The following PSMD14 variants were observed in gnomAD, a reference collection of about 807,000 sequenced individuals.
The protein encoded by PSMD14 is ubiquitin C-terminal hydrolase PSMD14.
A neutral mutation model predicts 41.2 loss-of-function variants in PSMD14; 7 were observed. That is an observed-to-expected ratio of 0.17 (90% CI 0.10 to 0.32). The LOEUF (loss-of-function observed/expected upper bound fraction) is 0.32. Among genes scored for constraint, PSMD14 ranks in the 10% least tolerant of loss-of-function variants. PSMD14 has a pLI of 1.00. For missense variants in PSMD14, 139 were observed against 375.6 expected (o/e 0.37, Z 5.21); for synonymous variants, 114 against 122.3 (o/e 0.93, Z 0.45).
intron 5 of PSMD14, 47 bp from the exon 6 acceptor site, chr2:161,370,060 T>C (rs1345994214): frequency 7.0e-7 from 1 of 1,428,974 alleles, no homozygotes; most frequent in East Asian, 2.5e-5. Context: ...GGAAGCTTTT[T>C]TTCCAAATTT....
intron 5 of PSMD14, among the ~76,000 whole-genome samples, chr2:161,368,932 G>A (rs1217481931): frequency 3.3e-5 from 5 of 151,798 alleles, no homozygotes; most frequent in Non-Finnish European, 7.4e-5. Flanking sequence ...CTAAATAGAT[G>A]AATTTGTTGA....
At chr2:161,337,414 A>G (rs1158370827) in intron 3 of PSMD14, among the ~76,000 whole-genome samples, 4 of 152,212 alleles carry the variant, frequency 2.6e-5, no homozygotes, top group Non-Finnish European at 4.4e-5. Context: ...TATCTCATTT[A>G]ATCTTTACAT....
intron 9 of PSMD14, 38 bp from the exon 10 acceptor site, chr2:161,395,040 A>G: frequency 6.6e-7 from 1 of 1,526,576 alleles, no homozygotes; most frequent in Non-Finnish European, 8.8e-7. Flanking sequence ...GGGTATCCTC[A>G]AGGCAGAAAA....
intron 1 of PSMD14, among the ~76,000 whole-genome samples, chr2:161,311,780 A>G (rs954186509): frequency 6.6e-6 from 1 of 151,712 alleles, no homozygotes; most frequent in Admixed American, 6.6e-5. Flanking sequence ...ACGCCCGGCT[A>G]GTTTTTATAT....
intron 3 of PSMD14, 104 bp downstream of exon 3, chr2:161,318,977 T>C: frequency 1.2e-6 from 1 of 833,576 alleles, no homozygotes; most frequent in Non-Finnish European, 1.9e-6. Flanking sequence ...ACCTAACAGA[T>C]AACTCTATGG....
chr2:161,368,008 G>A, intron 5 of PSMD14, 105 bp downstream of exon 5: 2 of 1,280,658 alleles, frequency 1.6e-6, no homozygotes, highest in South Asian at 1.7e-5. Flanking sequence ...CTTTCCAGTA[G>A]GAAAAATTAA....
At chr2:161,356,764 T>C (rs1574128160) in intron 3 of PSMD14, among the ~76,000 whole-genome samples, 1 of 388 alleles carries the variant, frequency 2.6e-3, no homozygotes, top group African/African-American at 0.042. Flanking sequence ...TCAAACTCCT[T>C]TTTTTTTTTT....
At chr2:161,326,539 A>G (rs1682702281) in intron 3 of PSMD14, among the ~76,000 whole-genome samples, 1 of 152,222 alleles carries the variant, frequency 6.6e-6, no homozygotes. Context: ...TAATCCAGCA[A>G]TTCAGCTTCT....
intron 3 of PSMD14, among the ~76,000 whole-genome samples, chr2:161,360,355 C>G (rs1683272336): frequency 6.9e-6 from 1 of 145,322 alleles, no homozygotes; most frequent in Admixed American, 6.8e-5. Flanking sequence ...CCTGGCTGAG[C>G]CTTTCATATT....
chr2:161,323,030 C>G (rs1682631993), intron 3 of PSMD14, among the ~76,000 whole-genome samples: 2 of 152,104 alleles, frequency 1.3e-5, no homozygotes, highest in Non-Finnish European at 2.9e-5. Context: ...ATCCAAAAAC[C>G]AAAACTCTAC....
intron 2 of PSMD14, 77 bp from the exon 3 acceptor site, chr2:161,318,745 A>G: frequency 9.0e-7 from 1 of 1,113,958 alleles, no homozygotes; most frequent in Non-Finnish European, 1.3e-6. Flanking sequence ...TGAGTGACTG[A>G]AGGTGAATTA....
intron 1 of PSMD14, among the ~76,000 whole-genome samples, chr2:161,314,477 G>C (rs946556882): frequency 5.9e-5 from 9 of 152,156 alleles, no homozygotes; most frequent in African/African-American, 2.2e-4. Context: ...TACCACCTCA[G>C]TTTAGTTCCA....
At chr2:161,406,759 T>C (rs1389122731) in intron 10 of PSMD14, among the ~76,000 whole-genome samples, 1 of 152,178 alleles carries the variant, frequency 6.6e-6, no homozygotes, top group East Asian at 1.9e-4. Context: ...GAGTACTTTT[T>C]ACCATCTGTA....
intron 10 of PSMD14, among the ~76,000 whole-genome samples, chr2:161,402,310 T>C (rs921485413): frequency 1.3e-5 from 2 of 152,212 alleles, no homozygotes; most frequent in East Asian, 3.8e-4. Flanking sequence ...GAGAACGTTT[T>C]TGCAAATCAG....
intron 3 of PSMD14, among the ~76,000 whole-genome samples, chr2:161,322,878 T>A (rs1004611173): frequency 6.6e-6 from 1 of 152,138 alleles, no homozygotes; most frequent in Non-Finnish European, 1.5e-5. Flanking sequence ...TTCATTCTAG[T>A]TTCTTAATTT....
chr2:161,312,442 C>T (rs536849796), intron 1 of PSMD14, among the ~76,000 whole-genome samples: 2 of 152,168 alleles, frequency 1.3e-5, no homozygotes, highest in East Asian at 1.9e-4. Context: ...CTGCACCTGG[C>T]CAAAAATTGA....
At chr2:161,361,691 A>G (rs557249191) in intron 3 of PSMD14, among the ~76,000 whole-genome samples, 3 of 152,358 alleles carry the variant, frequency 2.0e-5, no homozygotes, top group Non-Finnish European at 4.4e-5. Flanking sequence ...AAGATGATTT[A>G]ATAGTGGGAA....
intron 3 of PSMD14, among the ~76,000 whole-genome samples, chr2:161,360,551 C>T (rs1358168006): frequency 1.3e-5 from 2 of 151,918 alleles, no homozygotes; most frequent in African/African-American, 2.4e-5. Context: ...GATGGGGTTT[C>T]GCCATGTTGG....
chr2:161,362,320 A>G (rs896247919), intron 3 of PSMD14, among the ~76,000 whole-genome samples: 1 of 152,224 alleles, frequency 6.6e-6, no homozygotes, highest in Non-Finnish European at 1.5e-5. Context: ...GATAGAGCAT[A>G]TTGTATACTT....
Sources: gnomAD v4.1 joint callset for allele counts (sites outside exome capture counted in the v4.1 genomes callset) on GRCh38, gnomAD v4.1.1 for gene constraint, MANE v1.5 for transcripts, NCBI Gene and HGNC (gene_info 2026-07-23, HGNC 2026-07-21) for gene names.